The following FRMPD4 variants were observed in gnomAD, a reference collection of about 807,000 sequenced individuals.
FRMPD4 encodes FERM and PDZ domain containing 4.
Under a neutral mutation model 94.1 loss-of-function variants are expected in FRMPD4, and 22 were observed. That is an observed-to-expected ratio of 0.23 (90% CI 0.17 to 0.33). FRMPD4 has a LOEUF of 0.33. Among genes scored for constraint, FRMPD4 ranks in the 10% least tolerant of loss-of-function variants. The probability of loss-of-function intolerance (pLI) is 1.00; values close to 1 mark genes in which losing one functional copy is unlikely to be tolerated. For synonymous variants in FRMPD4, 631 were observed against 548.6 expected (o/e 1.15, Z -2.10); for missense variants, 1,111 against 1,339.9 (o/e 0.83, Z 2.67).
chrX:12,142,252 T>C (rs2055702595), intron 1 of FRMPD4, among the ~76,000 whole-genome samples: 1 of 112,085 alleles, frequency 8.9e-6, no homozygotes, highest in African/African-American at 3.2e-5. Flanking sequence ...TAATATCTAA[T>C]ATTAGAATGC....
intron 1 of FRMPD4, among the ~76,000 whole-genome samples, chrX:11,855,047 A>T (rs1431734232): frequency 8.9e-6 from 1 of 112,248 alleles, no homozygotes; most frequent in Non-Finnish European, 1.9e-5. Flanking sequence ...AAATCTAGGT[A>T]GAGGTACTTA....
intron 9 of FRMPD4, among the ~76,000 whole-genome samples, chrX:12,695,646 A>C (rs1267497438): frequency 1.8e-5 from 2 of 111,717 alleles, no homozygotes; most frequent in Non-Finnish European, 3.8e-5. Context: ...TTCATGATCC[A>C]CGCACCTTGG....
intron 3 of FRMPD4, among the ~76,000 whole-genome samples, chrX:11,964,641 G>A (rs1002717524): frequency 2.1e-4 from 24 of 112,162 alleles, no homozygotes; most frequent in African/African-American, 7.1e-4. Flanking sequence ...AATATGAAAT[G>A]TATGGTCTGT....
At chrX:11,905,274 G>A (rs987826958) in intron 3 of FRMPD4, among the ~76,000 whole-genome samples, 2 of 111,345 alleles carry the variant, frequency 1.8e-5, no homozygotes, top group Non-Finnish European at 3.8e-5. Flanking sequence ...GTGATTATAT[G>A]TGATTCCCAG....
chrX:12,354,227 A>G (rs1011324849), intron 1 of FRMPD4, among the ~76,000 whole-genome samples: 6 of 112,157 alleles, frequency 5.3e-5, no homozygotes, highest in African/African-American at 9.7e-5. Flanking sequence ...ATGACATGTT[A>G]TCTCATTCAT....
intron 1 of FRMPD4, among the ~76,000 whole-genome samples, chrX:12,425,499 T>C (rs1350887186): frequency 2.7e-5 from 3 of 112,144 alleles, no homozygotes; most frequent in African/African-American, 9.7e-5. Flanking sequence ...GAGATTAACA[T>C]TGGAATCTAA....
Position 12,264,057 on chromosome X carries a change from G to C in FRMPD4, c.41+125045G>C, listed in dbSNP as rs1031782477. On this transcript the variant is annotated intron_variant, in intron 1 of 16. Coordinates refer to ENST00000675598, the MANE Select transcript of FRMPD4 (RefSeq NM_001368397.1). Reference sequence around the variant, plus strand: ...TTAAGTTGCCAACACGTGCTTTTGGGGGGGACACATTCAAGCCATAGTAGA... The same window carrying C: ...TTAAGTTGCCAACACGTGCTTTTGGCGGGGACACATTCAAGCCATAGTAGA... 5.4e-5 allele frequency among the ~76,000 whole-genome samples: 6 copies of C among 111,298 alleles called. No individual in the cohort carries two copies. The East Asian group carries it at 1.4e-3, about 26-fold the overall frequency.
At chrX:12,640,317 A>G (rs867185151) in intron 4 of FRMPD4, among the ~76,000 whole-genome samples, 19 of 104,318 alleles carry the variant, frequency 1.8e-4, no homozygotes, top group African/African-American at 4.5e-4. Flanking sequence ...AAAAAAAAAA[A>G]AAAAAGGTAG....
At chrX:12,065,527 C>CT (rs1421977895) in intron 3 of FRMPD4, among the ~76,000 whole-genome samples, 1 of 111,887 alleles carries the variant, frequency 8.9e-6, no homozygotes, top group Non-Finnish European at 1.9e-5. Context: ...TATATTCCTC[C>CT]TTCCTCCCTC....
chrX:11,863,446 C>T (rs917549684), intron 1 of FRMPD4, among the ~76,000 whole-genome samples: 3 of 111,270 alleles, frequency 2.7e-5, no homozygotes, highest in African/African-American at 9.8e-5. Flanking sequence ...CTTTTATTTA[C>T]ATTGCATGAA....
chrX:11,866,111 C>G (rs1020721945), intron 2 of FRMPD4, among the ~76,000 whole-genome samples: 6 of 111,727 alleles, frequency 5.4e-5, no homozygotes, highest in African/African-American at 1.9e-4. Context: ...AAACAAGGAA[C>G]GAAAAGCAGA....
At chrX:12,202,295 G>C (rs1209707798) in intron 1 of FRMPD4, among the ~76,000 whole-genome samples, 1 of 112,183 alleles carries the variant, frequency 8.9e-6, no homozygotes, top group Non-Finnish European at 1.9e-5. Context: ...GCTCAGAGCT[G>C]TTGTGCATGT....
At chrX:12,063,841 C>A (rs1466053948) in intron 3 of FRMPD4, among the ~76,000 whole-genome samples, 2 of 112,771 alleles carry the variant, frequency 1.8e-5, no homozygotes, top group African/African-American at 6.4e-5. Context: ...TTATCTGTAT[C>A]TCCTTATTTT....
chrX:12,697,721 A>G (rs1466359204), intron 9 of FRMPD4, among the ~76,000 whole-genome samples: 2 of 112,088 alleles, frequency 1.8e-5, no homozygotes, highest in African/African-American at 6.5e-5. Context: ...GAACACGAAA[A>G]TGTGTCTGGA....
intron 1 of FRMPD4, among the ~76,000 whole-genome samples, chrX:12,147,182 C>T (rs944811740): frequency 8.9e-6 from 1 of 111,772 alleles, no homozygotes; most frequent in African/African-American, 3.3e-5. Flanking sequence ...TCCCTGAATC[C>T]AAGCCTTTTC....
intron 1 of FRMPD4, among the ~76,000 whole-genome samples, chrX:12,261,155 A>T (rs2054183063): frequency 8.9e-6 from 1 of 112,020 alleles, no homozygotes; most frequent in African/African-American, 3.2e-5. Context: ...CTTACAGAGG[A>T]TATTATCACC....
chrX:12,435,191 T>C (rs34139882), intron 1 of FRMPD4, among the ~76,000 whole-genome samples: 1 of 111,102 alleles, frequency 9.0e-6, no homozygotes, highest in African/African-American at 3.3e-5. Flanking sequence ...CATTCTTCTA[T>C]TACGTACTCT....
intron 3 of FRMPD4, among the ~76,000 whole-genome samples, chrX:11,922,380 C>G (rs1001008209): frequency 1.3e-4 from 15 of 111,542 alleles, no homozygotes; most frequent in African/African-American, 4.6e-4. Context: ...ATCACAAGGA[C>G]AGCACCAACA....
In FRMPD4 at chrX:12,633,741, C is replaced by G. The variant is rs140538348; in HGVS notation, c.422+18860C>G. ...CTGAAATTTGTTTTGATTCCACCTACAAACATAGGAGCTCATGTCTGTCAA... is the reference window on the plus strand; with the variant it reads ...CTGAAATTTGTTTTGATTCCACCTAGAAACATAGGAGCTCATGTCTGTCAA... On this transcript the variant is annotated intron_variant, in intron 4 of 16. Coordinates refer to ENST00000675598, the MANE Select transcript of FRMPD4 (RefSeq NM_001368397.1). Among the ~76,000 whole-genome samples, 3 of 112,288 alleles carry G rather than the reference C, an allele frequency of 2.7e-5. No individual in the cohort carries two copies. In the East Asian group the frequency reaches 8.4e-4, roughly 31 times the overall value.
Sources: gnomAD v4.1 joint callset for allele counts (sites outside exome capture counted in the v4.1 genomes callset) on GRCh38, gnomAD v4.1.1 for gene constraint, MANE v1.5 for transcripts, NCBI Gene and HGNC (gene_info 2026-07-23, HGNC 2026-07-21) for gene names.